GSE1: variants seen among roughly 807,000 people sequenced by gnomAD.
GSE1 encodes the protein genetic suppressor element 1.
In GSE1, 32 loss-of-function variants were observed where a neutral mutation model predicts 112.6. The observed-to-expected ratio is 0.28, with a 90% CI of 0.21 to 0.38. The LOEUF (loss-of-function observed/expected upper bound fraction) is 0.38, where lower values mean the gene tolerates loss of function less well. GSE1 is among the 10% of genes least tolerant of loss of function. GSE1 has a pLI of 1.00. For synonymous variants in GSE1, 1,115 were observed against 735.6 expected, an observed-to-expected ratio of 1.52 and a Z score of -8.35; for missense variants, 2,348 against 1,699.2, an observed-to-expected ratio of 1.38 and a Z score of -6.71.
intron 1 of GSE1, among the ~76,000 whole-genome samples, chr16:85,355,640 CA>C (rs1259329917): frequency 1.3e-5 from 2 of 152,182 alleles, no homozygotes; most frequent in Non-Finnish European, 2.9e-5. Flanking sequence ...AATGGTAGCA[CA>C]ACACTGGGAA....
At chr16:85,565,289 G>A (rs2045693418) in intron 1 of GSE1, among the ~76,000 whole-genome samples, 1 of 152,080 alleles carries the variant, frequency 6.6e-6, no homozygotes, top group Non-Finnish European at 1.5e-5. Flanking sequence ...CTACTCAGGA[G>A]GCTGAGGCAG....
intron 11 of GSE1, 37 bp downstream of exon 11, chr16:85,663,651 T>C: frequency 6.3e-7 from 1 of 1,585,282 alleles, no homozygotes; most frequent in Non-Finnish European, 8.6e-7. Context: ...GGGGGCTCAC[T>C]GGGGTGGAAG....
chr16:85,231,428 ATGG>A (rs1215593661), intron 1 of GSE1, among the ~76,000 whole-genome samples: 42 of 151,308 alleles, frequency 2.8e-4, no homozygotes, highest in South Asian at 8.4e-4. Flanking sequence ...GGATGGATGG[ATGG>A]ACAGATGAAT....
At position 85,255,182 on chromosome 16, in the gene GSE1, C is replaced by G. The variant is rs185212615; in HGVS notation, c.2283+83375C>G. ...GAGTGGCAGAAGCCCAGCCTGCTGT[C>G]CACACCACCCCACCCGCTCCCCAGC... On this transcript the variant is annotated intron_variant, in intron 1 of 2. Coordinates refer to the GSE1 transcript ENST00000637419. 8.1e-3 allele frequency among the ~76,000 whole-genome samples: 1,235 copies of G among 152,306 alleles called. 14 individuals carry two copies. Among genetic ancestry groups the G allele is most frequent in the African/African-American group, 0.029 (1,196 of 41,572 alleles).
chr16:85,507,698 A>T (rs1417919811), intron 2 of GSE1, among the ~76,000 whole-genome samples: 3 of 152,120 alleles, frequency 2.0e-5, no homozygotes, highest in Non-Finnish European at 4.4e-5. Flanking sequence ...CTATTGGATT[A>T]GGGCCACCCG....
rs541468724 is a variant in GSE1 at position 85,547,844 on chromosome 16, A to G, written c.2465-86070A>G. On this transcript the variant is annotated intron_variant, in intron 2 of 2. Coordinates refer to the GSE1 transcript ENST00000637419. The stretch of plus-strand genomic sequence containing the variant: ...TAGTGAGCCGAGATGACACCACTGC[A>G]CTCCAGCCTGGGTGACAGAATGAGT... Among the ~76,000 whole-genome samples the G allele has an allele frequency of 5.5e-5, 8 of 145,940 alleles. No homozygotes were observed. The East Asian group carries it at 1.4e-3, about 25-fold the overall frequency.
chr16:85,398,808 A>T (rs2048024771), intron 2 of GSE1, among the ~76,000 whole-genome samples: 2 of 152,164 alleles, frequency 1.3e-5, no homozygotes, highest in Non-Finnish European at 2.9e-5. Context: ...GGTCCCGCAC[A>T]GAGAATGTGT....
intron 2 of GSE1, among the ~76,000 whole-genome samples, chr16:85,470,937 A>G (rs951746666): frequency 6.6e-6 from 1 of 152,256 alleles, no homozygotes; most frequent in African/African-American, 2.4e-5. Flanking sequence ...AATAGTGATT[A>G]TCTCCTGACA....
intron 1 of GSE1, among the ~76,000 whole-genome samples, chr16:85,242,014 C>T (rs1905208834): frequency 6.6e-6 from 1 of 152,130 alleles, no homozygotes; most frequent in Non-Finnish European, 1.5e-5. Context: ...TTGCTCCCTG[C>T]TACACCGTCC....
upstream of GSE1, chr16:85,555,708 C>T (rs1567584542): frequency 5.5e-6 from 5 of 901,762 alleles, no homozygotes; most frequent in Non-Finnish European, 6.5e-6. Context: ...TGGTTCTGAA[C>T]GTGAAACCCT....
At chr16:85,254,967 A>G (rs1906905772) in intron 1 of GSE1, among the ~76,000 whole-genome samples, 1 of 152,156 alleles carries the variant, frequency 6.6e-6, no homozygotes, top group Non-Finnish European at 1.5e-5. Flanking sequence ...TCCCCCGGTG[A>G]TCCCCAGGCT....
At chr16:85,559,574 A>C (rs1490203450) in intron 1 of GSE1, among the ~76,000 whole-genome samples, 1 of 152,238 alleles carries the variant, frequency 6.6e-6, no homozygotes, top group Admixed American at 6.5e-5. Flanking sequence ...GGCAGTTCAC[A>C]GTCAGGCTGG....
intron 2 of GSE1, among the ~76,000 whole-genome samples, chr16:85,435,729 G>A (rs200232415): frequency 3.7e-4 from 9 of 24,590 alleles, no homozygotes; most frequent in African/African-American, 5.1e-4. Context: ...CTCTCCTGAC[G>A]TCTCCACGCA....
intron 2 of GSE1, among the ~76,000 whole-genome samples, chr16:85,637,733 T>C (rs929493838): frequency 6.6e-6 from 1 of 150,958 alleles, no homozygotes; most frequent in African/African-American, 2.4e-5. Context: ...CCCGCAGGTG[T>C]AGCCTCCTCC....
rs2053425944 is a variant in GSE1 at position 85,672,400 on chromosome 16, T to C, written c.3520-5T>C. The stretch of plus-strand genomic sequence containing the variant: ...TGGTTTTGACACAAATTTCCCTCTC[T>C]CCAGGAGTTGAGGAGCCAGAAACAG... On this transcript the variant is annotated splice_polypyrimidine_tract_variant and splice_region_variant and intron_variant, in intron 15 of 15. Coordinates refer to ENST00000253458, the MANE Select transcript of GSE1 (RefSeq NM_014615.5). 2 of 1,609,854 alleles carry C rather than the reference T, an allele frequency of 1.2e-6. No homozygotes were observed. The highest frequency in any genetic ancestry group is 2.2e-5 in the East Asian group (1 of 44,776).
At chr16:85,516,828 C>T (rs1271109850) in intron 2 of GSE1, among the ~76,000 whole-genome samples, 1 of 142,112 alleles carries the variant, frequency 7.0e-6, no homozygotes, top group Non-Finnish European at 1.5e-5. Context: ...GACGGAGTCT[C>T]GCTCTATCGC....
intron 2 of GSE1, among the ~76,000 whole-genome samples, chr16:85,546,797 C>T (rs1352019761): frequency 7.9e-5 from 12 of 152,224 alleles, no homozygotes; most frequent in Non-Finnish European, 1.6e-4. Flanking sequence ...AAGAAGCTGG[C>T]CACCAGGGAT....
intron 2 of GSE1, among the ~76,000 whole-genome samples, chr16:85,410,980 G>A (rs1202370818): frequency 5.0e-5 from 4 of 80,266 alleles, no homozygotes; most frequent in African/African-American, 1.5e-4. Context: ...TACACTCAGG[G>A]CCCCCCGGAT....
chr16:85,454,793 G>A (rs974317729), intron 2 of GSE1, among the ~76,000 whole-genome samples: 2 of 152,090 alleles, frequency 1.3e-5, no homozygotes, highest in Admixed American at 6.5e-5. Flanking sequence ...CCTTCTATGG[G>A]TCCACGTCTC....
Sources: allele counts gnomAD v4.1 joint callset (sites outside exome capture counted in the v4.1 genomes callset), GRCh38; gene constraint gnomAD v4.1.1; transcripts MANE v1.5; gene names NCBI Gene and HGNC (gene_info 2026-07-23, HGNC 2026-07-21).